CTNNBL1: variants seen among roughly 807,000 people sequenced by gnomAD.
The protein encoded by CTNNBL1 is catenin beta like 1.
Under a neutral mutation model 72.7 loss-of-function variants are expected in CTNNBL1, and 31 were observed. The ratio of observed to expected loss-of-function variants is 0.43; its 90% confidence interval spans 0.32 to 0.58. The LOEUF is 0.58. Among genes scored for constraint, CTNNBL1 ranks in the 20% least tolerant of loss-of-function variants. The pLI is 0.08. For synonymous variants in CTNNBL1, 240 were observed against 267.3 expected, an observed-to-expected ratio of 0.90 and a Z score of 1.00; for missense variants, 534 against 725.1, an observed-to-expected ratio of 0.74 and a Z score of 3.03.
chr20:37,848,564 C>T (rs902066892), intron 13 of CTNNBL1, among the ~76,000 whole-genome samples: 1 of 152,148 alleles, frequency 6.6e-6, no homozygotes, highest in African/African-American at 2.4e-5. Flanking sequence ...GGGCAGAGGA[C>T]GTCGTGCTTT....
chr20:37,838,389 A>G (rs1286578220), intron 11 of CTNNBL1, among the ~76,000 whole-genome samples: 1 of 152,204 alleles, frequency 6.6e-6, no homozygotes, highest in African/African-American at 2.4e-5. Context: ...TGGTGGTAGT[A>G]GTCAGAAGAG....
intron 1 of CTNNBL1, among the ~76,000 whole-genome samples, chr20:37,698,712 C>T (rs1256270493): frequency 6.6e-6 from 1 of 152,220 alleles, no homozygotes. Flanking sequence ...TAATCAGTTG[C>T]ACCCATCCTC....
chr20:37,807,940 T>C (rs2071973927), intron 11 of CTNNBL1, among the ~76,000 whole-genome samples: 1 of 152,228 alleles, frequency 6.6e-6, no homozygotes, highest in African/African-American at 2.4e-5. Flanking sequence ...CCTTTACTTC[T>C]TGTCTCTTTT....
At chr20:37,758,978 G>A (rs183894987) in intron 5 of CTNNBL1, among the ~76,000 whole-genome samples, 2 of 152,108 alleles carry the variant, frequency 1.3e-5, no homozygotes, top group Admixed American at 6.5e-5. Context: ...CCCATGTGCC[G>A]TGCTTGCTGT....
At chr20:37,731,238 C>CTT (rs1303825925) in intron 1 of CTNNBL1, among the ~76,000 whole-genome samples, 2 of 144,488 alleles carry the variant, frequency 1.4e-5, no homozygotes, top group Admixed American at 6.9e-5. Context: ...TTAACTGAAA[C>CTT]TTTTTTTTTT....
intron 2 of CTNNBL1, among the ~76,000 whole-genome samples, chr20:37,736,164 AG>A: frequency 6.6e-6 from 1 of 152,280 alleles, no homozygotes; most frequent in Non-Finnish European, 1.5e-5. Context: ...ATGCTACTTC[AG>A]GGTTCAAAGT....
intron 10 of CTNNBL1, among the ~76,000 whole-genome samples, chr20:37,780,162 A>C (rs1224897702): frequency 1.3e-5 from 2 of 151,972 alleles, no homozygotes; most frequent in Non-Finnish European, 2.9e-5. Context: ...AAAAAAAAAA[A>C]AAACAAGAAA....
intron 4 of CTNNBL1, among the ~76,000 whole-genome samples, chr20:37,749,394 G>C (rs1182510266): frequency 6.6e-6 from 1 of 152,146 alleles, no homozygotes; most frequent in Admixed American, 6.5e-5. Flanking sequence ...CACAAAAAAC[G>C]CTGCTCGACA....
intron 15 of CTNNBL1, among the ~76,000 whole-genome samples, chr20:37,868,645 G>A (rs2072557125): frequency 1.3e-5 from 2 of 152,212 alleles, no homozygotes; most frequent in Non-Finnish European, 2.9e-5. Flanking sequence ...TGACACAGGA[G>A]ACTTGCGCAT....
intron 1 of CTNNBL1, among the ~76,000 whole-genome samples, chr20:37,716,083 G>T (rs1231141705): frequency 1.3e-5 from 2 of 152,096 alleles, no homozygotes. Context: ...AATAGGGGAA[G>T]ATGGGTCAAA....
intron 5 of CTNNBL1, 110 bp from the exon 6 acceptor site, chr20:37,765,087 A>G (rs2073453860): frequency 1.3e-6 from 1 of 740,952 alleles, no homozygotes; most frequent in Non-Finnish European, 2.4e-6. Flanking sequence ...ATTGCTGCTT[A>G]TTTACTTACT....
At chr20:37,861,211 A>G (rs113956865) in intron 15 of CTNNBL1, among the ~76,000 whole-genome samples, 1,885 of 152,346 alleles carry the variant, frequency 0.012, 36 homozygotes, top group African/African-American at 0.043. Flanking sequence ...GCGGGTGCTC[A>G]GTCAGTGTGG....
intron 7 of CTNNBL1, among the ~76,000 whole-genome samples, chr20:37,771,181 T>C (rs148847290): frequency 6.6e-6 from 1 of 152,342 alleles, no homozygotes; most frequent in African/African-American, 2.4e-5. Flanking sequence ...GTAAAGAGGT[T>C]ATAGCAGTGG....
chr20:37,718,052 C>A (rs2073003004), intron 1 of CTNNBL1, among the ~76,000 whole-genome samples: 1 of 152,164 alleles, frequency 6.6e-6, no homozygotes, highest in Non-Finnish European at 1.5e-5. Context: ...AATCTTTTCC[C>A]CACCTTTCCC....
At chr20:37,832,790 CT>C (rs200142358) in intron 11 of CTNNBL1, among the ~76,000 whole-genome samples, 2,411 of 148,084 alleles carry the variant, frequency 0.016, 50 homozygotes, top group African/African-American at 0.054. Context: ...GTGGACCATA[CT>C]TTTTTTTTTT....
intron 13 of CTNNBL1, among the ~76,000 whole-genome samples, chr20:37,846,185 A>G (rs1325212177): frequency 6.6e-6 from 1 of 151,556 alleles, no homozygotes; most frequent in Admixed American, 6.6e-5. Flanking sequence ...GTCACCCTAA[A>G]CTCTAGGGGG....
chr20:37,811,123 T>C (rs2072008955), intron 11 of CTNNBL1, among the ~76,000 whole-genome samples: 1 of 152,172 alleles, frequency 6.6e-6, no homozygotes, highest in Non-Finnish European at 1.5e-5. Flanking sequence ...CCTTCCTGAA[T>C]CTACCAGTCC....
chr20:37,844,347 C>T (rs1026694063), intron 13 of CTNNBL1, among the ~76,000 whole-genome samples: 3 of 152,180 alleles, frequency 2.0e-5, no homozygotes, highest in Non-Finnish European at 4.4e-5. Flanking sequence ...TAAAGTGATA[C>T]TAGCCAAGGT....
At chr20:37,786,118 C>T (rs922063695) in intron 10 of CTNNBL1, among the ~76,000 whole-genome samples, 2 of 152,216 alleles carry the variant, frequency 1.3e-5, no homozygotes, top group Non-Finnish European at 1.5e-5. Flanking sequence ...GAGTCTCTCT[C>T]TCTCTCTGTG....
Sources: allele counts gnomAD v4.1 joint callset (sites outside exome capture counted in the v4.1 genomes callset), GRCh38; gene constraint gnomAD v4.1.1; transcripts MANE v1.5; gene names NCBI Gene and HGNC (gene_info 2026-07-23, HGNC 2026-07-21).